CCDC195: variants seen among roughly 807,000 people sequenced by gnomAD.
CCDC195 encodes coiled-coil domain containing 195.
chr2:224,713,450 A>C (rs150899998), intron 1 of CCDC195, among the ~76,000 whole-genome samples: 2 of 152,316 alleles, frequency 1.3e-5, no homozygotes, highest in Admixed American at 1.3e-4. Context: ...AAAGCTCTAC[A>C]TCACTCTGTA....
At chr2:224,710,464 C>T (rs1187569489) in intron 1 of CCDC195, among the ~76,000 whole-genome samples, 2 of 152,130 alleles carry the variant, frequency 1.3e-5, no homozygotes, top group Non-Finnish European at 2.9e-5. Context: ...AATATGAAAC[C>T]CTGTATCTAC....
At chr2:224,706,889 G>GTGTATATA (rs1553548852) in intron 2 of CCDC195, among the ~76,000 whole-genome samples, 3 of 141,202 alleles carry the variant, frequency 2.1e-5, no homozygotes, top group African/African-American at 7.7e-5. Flanking sequence ...GTGTCTGTGT[G>GTGTATATA]TATATATATA....
chr2:224,704,610 C>CT (rs55801561), intron 2 of CCDC195, among the ~76,000 whole-genome samples: 303 of 110,596 alleles, frequency 2.7e-3, no homozygotes, highest in Middle Eastern at 6.3e-3. Flanking sequence ...CTTTTCTTTT[C>CT]TTTTTTTTTT....
At position 224,708,755 on chromosome 2, in the gene CCDC195, A is replaced by G. The variant is rs533963953; in HGVS notation, c.482+1218T>C. 7.2e-5 allele frequency among the ~76,000 whole-genome samples: 11 copies of G among 152,270 alleles called. No individual in the cohort carries two copies. The South Asian group carries it at 2.3e-3, about 32-fold the overall frequency. On this transcript the variant is annotated intron_variant, in intron 2 of 2. Coordinates refer to ENST00000638102, the Ensembl canonical transcript of CCDC195. ...GTTCGATGGTGCTCTGGGTCTCTCA[A>G]CAATCATATTTTTTGCATTTTCTCT...
At chr2:224,707,309 C>A (rs1393917489) in intron 2 of CCDC195, among the ~76,000 whole-genome samples, 1 of 152,200 alleles carries the variant, frequency 6.6e-6, no homozygotes, top group Non-Finnish European at 1.5e-5. Context: ...TAGAAGGCCA[C>A]CCTTGGCTCT....
chr2:224,716,044 A>G (rs911861516), intron 1 of CCDC195, 87 bp downstream of exon 1: 14 of 397,544 alleles, frequency 3.5e-5, no homozygotes, highest in Non-Finnish European at 5.8e-5. Context: ...CAAACTATAC[A>G]GTTATCTGAT....
chr2:224,704,929 C>G (rs372081783), intron 2 of CCDC195, among the ~76,000 whole-genome samples: 51 of 152,152 alleles, frequency 3.4e-4, no homozygotes, highest in African/African-American at 1.2e-3. Flanking sequence ...GCCAGGCCAG[C>G]TGCACCCTCT....
At chr2:224,704,610 CTTTTTTTTT>C (rs55801561) in intron 2 of CCDC195, among the ~76,000 whole-genome samples, 10 of 110,622 alleles carry the variant, frequency 9.0e-5, no homozygotes, top group Admixed American at 3.2e-4. Context: ...CTTTTCTTTT[CTTTTTTTTT>C]TTTTTTTCTT....
intron 1 of CCDC195, among the ~76,000 whole-genome samples, chr2:224,713,634 T>G (rs950325800): frequency 4.6e-5 from 7 of 152,190 alleles, no homozygotes; most frequent in Non-Finnish European, 1.0e-4. Context: ...TTCTTCCTAC[T>G]TACATTACTT....
intron 1 of CCDC195, among the ~76,000 whole-genome samples, chr2:224,713,726 A>C (rs1184357184): frequency 6.6e-6 from 1 of 152,176 alleles, no homozygotes; most frequent in Non-Finnish European, 1.5e-5. Context: ...GTGCAAATCT[A>C]AATCACATTT....
chr2:224,704,049 A>T (rs1035300408), intron 2 of CCDC195, among the ~76,000 whole-genome samples, 162 bp from the exon 3 acceptor site: 2 of 152,332 alleles, frequency 1.3e-5, no homozygotes, highest in East Asian at 3.9e-4. Context: ...ACAATGATGT[A>T]AGGATATATA....
At chr2:224,704,610 C>CTTTTTTTTTTTTTTTTTTTT (rs55801561) in intron 2 of CCDC195, among the ~76,000 whole-genome samples, 86 of 110,608 alleles carry the variant, frequency 7.8e-4, no homozygotes, top group East Asian at 1.1e-3. Flanking sequence ...CTTTTCTTTT[C>CTTTTTTTTTTTTTTTTTTTT]TTTTTTTTTT....
intron 1 of CCDC195, among the ~76,000 whole-genome samples, chr2:224,712,541 G>A (rs754703550): frequency 1.3e-5 from 2 of 152,130 alleles, no homozygotes; most frequent in South Asian, 2.1e-4. Context: ...GTAGCTCTGC[G>A]TCCTCGGGTG....
At chr2:224,712,093 T>G (rs1370201751) in intron 1 of CCDC195, among the ~76,000 whole-genome samples, 1 of 152,204 alleles carries the variant, frequency 6.6e-6, no homozygotes, top group African/African-American at 2.4e-5. Context: ...ACTTGGGACC[T>G]ACAGTTAATT....
chr2:224,709,517 C>CG (rs1689283345), intron 2 of CCDC195, among the ~76,000 whole-genome samples: 2 of 152,196 alleles, frequency 1.3e-5, no homozygotes, highest in African/African-American at 4.8e-5. Context: ...CTAACGCCCA[C>CG]TAAGGCACCT....
chr2:224,709,386 A>T (rs1384957226), intron 2 of CCDC195, among the ~76,000 whole-genome samples: 1 of 151,922 alleles, frequency 6.6e-6, no homozygotes. Flanking sequence ...CATCCCTCCC[A>T]TTCTCAGGCT....
intron 2 of CCDC195, among the ~76,000 whole-genome samples, chr2:224,706,094 C>T (rs1215625719): frequency 1.3e-5 from 2 of 150,366 alleles, no homozygotes; most frequent in Non-Finnish European, 2.9e-5. Context: ...TGAACACAAG[C>T]TATCCATCTC....
intron 1 of CCDC195, among the ~76,000 whole-genome samples, chr2:224,714,175 T>A (rs547685687): frequency 6.6e-6 from 1 of 152,138 alleles, no homozygotes; most frequent in South Asian, 2.1e-4. Context: ...CTAACATTCT[T>A]ATTGGAAATT....
intron 2 of CCDC195, among the ~76,000 whole-genome samples, chr2:224,707,733 T>A (rs1349198727): frequency 6.6e-6 from 1 of 152,164 alleles, no homozygotes; most frequent in Non-Finnish European, 1.5e-5. Flanking sequence ...CTGCCCAACA[T>A]GCAGCACACC....
Sources: gnomAD v4.1 joint callset for allele counts (sites outside exome capture counted in the v4.1 genomes callset) on GRCh38, gnomAD v4.1.1 for gene constraint, MANE v1.5 for transcripts, NCBI Gene and HGNC (gene_info 2026-07-23, HGNC 2026-07-21) for gene names.